Variants in SLIT3 observed in about 807,000 individuals in gnomAD.
SLIT3 encodes slit homolog 3 protein.
SLIT3 carries 68 observed loss-of-function variants against 184.0 expected under a neutral mutation model. The observed-to-expected ratio is 0.37, with a 90% confidence interval of 0.30 to 0.45. The LOEUF is 0.45. Among genes scored for constraint, SLIT3 ranks in the 20% least tolerant of loss-of-function variants. SLIT3 has a pLI of 1.00. For synonymous variants in SLIT3, 831 were observed against 828.6 expected, an observed-to-expected ratio of 1.00 and a Z score of -0.05; for missense variants, 1,707 against 2,026.0, an observed-to-expected ratio of 0.84 and a Z score of 3.02.
chr5:168,896,974 A>G (rs1760685797), intron 4 of SLIT3, among the ~76,000 whole-genome samples: 1 of 152,150 alleles, frequency 6.6e-6, no homozygotes, highest in Non-Finnish European at 1.5e-5. Flanking sequence ...GTGCAGGAAA[A>G]GCCATCATTA....
At position 168,662,691 on chromosome 5, in the gene SLIT3, T is replaced by C. The variant is rs1304412906; in HGVS notation, c.*3763A>G. On this transcript the variant is annotated 3_prime_UTR_variant, in exon 36 of 36. Coordinates refer to ENST00000519560, the MANE Select transcript of SLIT3 (RefSeq NM_003062.4). ...AAGAACTTTTAAATACATAATCTCA[T>C]CGGCCATCGTACGGCCCCTTGGCTG... is the stretch of plus-strand genomic sequence containing the variant. The C allele has an allele frequency of 6.6e-6, 1 of 152,254 alleles. No homozygotes were observed. Among genetic ancestry groups the C allele is most frequent in the Non-Finnish European group, 1.5e-5 (1 of 68,054 alleles). The allele number at this position is 152,254 out of a possible 1,614,324, so 9.4% of individuals were successfully genotyped here. A position where few individuals can be genotyped will look rare whatever the true frequency, so the allele number is the denominator to read the frequency against.
chr5:169,273,669 GA>G (rs570770168), intron 1 of SLIT3, among the ~76,000 whole-genome samples: 49 of 152,280 alleles, frequency 3.2e-4, no homozygotes, highest in African/African-American at 1.2e-3. Flanking sequence ...GCAAGTCTTG[GA>G]AAATTCCATC....
chr5:169,023,487 A>C (rs1318302914), intron 4 of SLIT3: 2 of 152,172 alleles, frequency 1.3e-5, no homozygotes, highest in African/African-American at 2.4e-5. Context: ...GTGCATTGAG[A>C]AGAGGCCTAC....
intron 4 of SLIT3, among the ~76,000 whole-genome samples, chr5:169,132,016 A>T (rs1268253911): frequency 6.6e-6 from 1 of 152,188 alleles, no homozygotes; most frequent in African/African-American, 2.4e-5. Context: ...GGTCTTCCAC[A>T]CCATCCTAGA....
intron 4 of SLIT3, among the ~76,000 whole-genome samples, chr5:169,111,471 G>A (rs1055576177): frequency 2.0e-5 from 3 of 152,178 alleles, no homozygotes; most frequent in Non-Finnish European, 4.4e-5. Context: ...TTTACTCATG[G>A]CTAGGCGTGG....
intron 4 of SLIT3, among the ~76,000 whole-genome samples, chr5:169,045,127 A>C (rs1298935811): frequency 6.6e-6 from 1 of 152,216 alleles, no homozygotes; most frequent in Non-Finnish European, 1.5e-5. Context: ...AAAGGTTTTC[A>C]GACCACTTGT....
At chr5:168,917,835 T>TA (rs1761493488) in intron 4 of SLIT3, among the ~76,000 whole-genome samples, 1 of 152,212 alleles carries the variant, frequency 6.6e-6, no homozygotes, top group African/African-American at 2.4e-5. Flanking sequence ...GGGTTAGCTT[T>TA]ATCAAGCTAA....
intron 1 of SLIT3, among the ~76,000 whole-genome samples, chr5:169,278,147 G>T (rs1766878546): frequency 6.6e-6 from 1 of 152,148 alleles, no homozygotes; most frequent in Non-Finnish European, 1.5e-5. Flanking sequence ...CTGTTGACAG[G>T]ATCTGGAACT....
intron 4 of SLIT3, among the ~76,000 whole-genome samples, chr5:169,149,664 C>A (rs7724295): frequency 6.6e-6 from 1 of 152,068 alleles, no homozygotes; most frequent in Non-Finnish European, 1.5e-5. Flanking sequence ...GCATGAATAA[C>A]GTAAAATGGT....
intron 4 of SLIT3, among the ~76,000 whole-genome samples, chr5:169,130,435 G>A (rs950475904): frequency 9.9e-5 from 15 of 152,100 alleles, no homozygotes; most frequent in African/African-American, 3.6e-4. Context: ...TGTTCTCTTT[G>A]GTGGGACCCA....
At chr5:168,879,048 G>T (rs73310260) in intron 5 of SLIT3, among the ~76,000 whole-genome samples, 3 of 152,098 alleles carry the variant, frequency 2.0e-5, no homozygotes, top group Non-Finnish European at 4.4e-5. Context: ...AAATGTCAGC[G>T]CAAGCAAAGA....
At chr5:169,068,186 T>C (rs1467345234) in intron 4 of SLIT3, among the ~76,000 whole-genome samples, 1 of 151,992 alleles carries the variant, frequency 6.6e-6, no homozygotes, top group African/African-American at 2.4e-5. Flanking sequence ...GTAAGGGAAC[T>C]CTCACTATGT....
At chr5:169,076,900 A>G (rs543887015) in intron 4 of SLIT3, among the ~76,000 whole-genome samples, 2 of 152,174 alleles carry the variant, frequency 1.3e-5, no homozygotes, top group South Asian at 4.2e-4. Flanking sequence ...AATATGCCCC[A>G]ATTTTATACA....
intron 4 of SLIT3, among the ~76,000 whole-genome samples, chr5:168,961,862 G>A (rs1441573316): frequency 2.0e-5 from 3 of 150,354 alleles, no homozygotes; most frequent in Non-Finnish European, 4.4e-5. Flanking sequence ...GCACGCATGT[G>A]TGTGTGTGTG....
At position 169,244,882 on chromosome 5, in the gene SLIT3, G is replaced by A. The variant is rs549285188; in HGVS notation, c.270-106C>T. ...TGGTCACTCAGCCCTTCCCATGATC[G>A]TCAGTGTCCCTTCAACTGGGATCAG... On this transcript the variant is annotated intron_variant, in intron 2 of 35. Transcript: ENST00000519560. The A allele has an allele frequency of 1.5e-4, 137 of 925,928 alleles. 1 individual carries two copies. In the African/African-American group the frequency reaches 1.5e-3, roughly 10 times the overall value. The allele number at this position is 925,928 out of a possible 1,614,324, so 57.4% of individuals were successfully genotyped here. A position where few individuals can be genotyped will look rare whatever the true frequency, so the allele number is the denominator to read the frequency against.
chr5:169,039,211 A>G (rs1308951806), intron 4 of SLIT3, among the ~76,000 whole-genome samples: 1 of 152,200 alleles, frequency 6.6e-6, no homozygotes, highest in Non-Finnish European at 1.5e-5. Context: ...CAGAGGAAGT[A>G]CATTACCCTG....
At chr5:169,235,847 T>A (rs1765177782) in intron 3 of SLIT3, among the ~76,000 whole-genome samples, 1 of 152,228 alleles carries the variant, frequency 6.6e-6, no homozygotes, top group Non-Finnish European at 1.5e-5. Context: ...TTGCATCATA[T>A]CGAAAGTACA....
At chr5:169,169,465 A>G (rs1419603451) in intron 4 of SLIT3, among the ~76,000 whole-genome samples, 3 of 152,236 alleles carry the variant, frequency 2.0e-5, no homozygotes, top group African/African-American at 7.2e-5. Context: ...GGTTTCAATA[A>G]CATAACTCAG....
chr5:168,734,015 T>G (rs1179392577), intron 20 of SLIT3, among the ~76,000 whole-genome samples: 2 of 152,082 alleles, frequency 1.3e-5, no homozygotes, highest in Non-Finnish European at 2.9e-5. Flanking sequence ...AGTAGAATAA[T>G]GGACACTGGA....
Sources: allele counts gnomAD v4.1 joint callset (sites outside exome capture counted in the v4.1 genomes callset), GRCh38; gene constraint gnomAD v4.1.1; transcripts MANE v1.5; gene names NCBI Gene and HGNC (gene_info 2026-07-23, HGNC 2026-07-21).